The following NAA15 variants were observed in gnomAD, a reference collection of about 807,000 sequenced individuals.
NAA15 encodes N-alpha-acetyltransferase 15, NatA auxiliary subunit.
NAA15 carries 34 observed loss-of-function variants against 114.0 expected under a neutral mutation model. The ratio of observed to expected loss-of-function variants is 0.30; its 90% CI spans 0.23 to 0.40. The LOEUF is 0.40. NAA15 is among the 10% of genes least tolerant of loss of function. The pLI, the probability that NAA15 is intolerant of heterozygous loss-of-function variation, is 1.00. For synonymous variants in NAA15, 340 were observed against 338.0 expected, an observed-to-expected ratio of 1.01 and a Z score of -0.06; for missense variants, 658 against 1,004.5, an observed-to-expected ratio of 0.66 and a Z score of 4.66.
chr4:139,364,716 CTG>C (rs1487889068), intron 14 of NAA15, among the ~76,000 whole-genome samples: 10 of 152,178 alleles, frequency 6.6e-5, no homozygotes, highest in African/African-American at 2.4e-4. Context: ...CAATCTAACA[CTG>C]TGTCTTTAGA....
intron 1 of NAA15, among the ~76,000 whole-genome samples, chr4:139,327,621 C>T (rs1213954182): frequency 6.6e-6 from 1 of 152,128 alleles, no homozygotes; most frequent in Non-Finnish European, 1.5e-5. Context: ...GTGTGTACAC[C>T]TAGGTTGGAA....
At chr4:139,341,293 A>G (rs1334557975) in intron 4 of NAA15, among the ~76,000 whole-genome samples, 1 of 151,970 alleles carries the variant, frequency 6.6e-6, no homozygotes, top group East Asian at 1.9e-4. Context: ...GGTTGACTTA[A>G]TTTGATAAAA....
chr4:139,353,946 G>A, intron 9 of NAA15, 80 bp from the exon 10 acceptor site: 2 of 1,103,230 alleles, frequency 1.8e-6, no homozygotes. Flanking sequence ...TAGTGTTTTA[G>A]TAGAAAATAA....
Position 139,336,850 on chromosome 4 carries a change from A to G in NAA15, c.142A>G (p.Thr48Ala). The G allele has an allele frequency of 6.6e-7, 1 of 1,509,266 alleles. No individual in the cohort carries two copies. Among genetic ancestry groups the G allele is most frequent in the Non-Finnish European group, 8.8e-7 (1 of 1,130,964 alleles). The allele number at this position is 1,509,266 out of a possible 1,614,324, so 93.5% of individuals were successfully genotyped here. Residue 48 changes from threonine to alanine, a missense_variant and splice_region_variant, in exon 3 of 20, where the codon ACC becomes GCC. Physicochemically the swap from Thr to Ala is moderately conservative, Grantham distance 58 (BLOSUM62 0). Around this residue, in one of 6 missense-constraint regions of NAA15, gnomAD observed 75 missense variants for 172.3 expected, o/e 0.44. Transcript: ENST00000296543. Reference protein sequence around the residue: ...SNPKFAEHGETLAMKGLTLNC... With the variant: ...SNPKFAEHGEALAMKGLTLNC... ...TTCTTCTTTGTTTTTGAAAATAGAA[A>G]CCTTGGCTATGAAAGGATTAACATT...
chr4:139,340,829 C>G (rs1178890847), intron 3 of NAA15, 83 bp from the exon 4 acceptor site: 25 of 1,060,858 alleles, frequency 2.4e-5, no homozygotes, highest in African/African-American at 3.3e-5. Flanking sequence ...TTATAAATGG[C>G]TGTGGTTCTC....
intron 19 of NAA15, 43 bp from the exon 20 acceptor site, chr4:139,387,841 C>CT: frequency 6.6e-7 from 1 of 1,505,718 alleles, no homozygotes; most frequent in Non-Finnish European, 9.1e-7. Context: ...CAGTAAGAAC[C>CT]TTTTTTTGAC....
intron 1 of NAA15, among the ~76,000 whole-genome samples, chr4:139,311,979 T>A (rs1197417222): frequency 4.0e-5 from 6 of 151,198 alleles, no homozygotes; most frequent in African/African-American, 1.5e-4. Context: ...AAAAAAAAAA[T>A]TTGAGGGAAA....
chr4:139,314,240 T>G (rs942443962), intron 1 of NAA15, among the ~76,000 whole-genome samples: 6 of 151,800 alleles, frequency 4.0e-5, no homozygotes, highest in Admixed American at 6.6e-5. Context: ...TGTGGTTCAT[T>G]GTGGCTCACA....
Position 139,357,466 on chromosome 4 carries a change from C to T in NAA15, c.1168C>T (p.Pro390Ser), listed in dbSNP as rs1282078991. The T allele has an allele frequency of 6.2e-7, 1 of 1,613,598 alleles. No homozygotes were observed. Among genetic ancestry groups the T allele is most frequent in the Non-Finnish European group, 8.5e-7 (1 of 1,179,636 alleles). ...LAQHYDKIGQPSIALEYINTA... is the reference protein window; with the variant it reads ...LAQHYDKIGQSSIALEYINTA... ...ACAACATTATGACAAAATTGGTCAG[C>T]CATCTATTGCTTTGGAGTACATAAA... is the stretch of plus-strand genomic sequence containing the variant. The change falls in exon 11 of 20, where the codon CCA (proline) becomes TCA (serine). Residue 390 changes from proline to serine, a missense_variant. This residue lies in a region of NAA15 where 281 missense variants were observed against 389.1 expected (regional missense o/e 0.72). Coordinates refer to ENST00000296543, the MANE Select transcript of NAA15 (RefSeq NM_057175.5).
At chr4:139,308,031 G>A (rs1450651732) in intron 1 of NAA15, among the ~76,000 whole-genome samples, 2 of 151,782 alleles carry the variant, frequency 1.3e-5, no homozygotes, top group African/African-American at 2.4e-5. Context: ...GTGCAATCTC[G>A]GCTCATTGCA....
intron 1 of NAA15, among the ~76,000 whole-genome samples, chr4:139,333,559 G>A (rs1038619311): frequency 2.6e-5 from 4 of 151,958 alleles, no homozygotes; most frequent in African/African-American, 7.3e-5. Flanking sequence ...AAAAGAAAAC[G>A]TTCTTCAGTA....
At chr4:139,363,378 A>G (rs577875523) in intron 14 of NAA15, among the ~76,000 whole-genome samples, 3 of 152,320 alleles carry the variant, frequency 2.0e-5, no homozygotes, top group Middle Eastern at 3.4e-3. Flanking sequence ...AATTCCCTTT[A>G]TGCACAACTA....
intron 1 of NAA15, among the ~76,000 whole-genome samples, chr4:139,329,278 C>G (rs1421344110): frequency 6.6e-6 from 1 of 152,134 alleles, no homozygotes; most frequent in Non-Finnish European, 1.5e-5. Flanking sequence ...AAATTTTGAG[C>G]ACATTTATAA....
At chr4:139,355,557 A>G (rs1412623255) in intron 10 of NAA15, among the ~76,000 whole-genome samples, 1 of 152,214 alleles carries the variant, frequency 6.6e-6, no homozygotes, top group Non-Finnish European at 1.5e-5. Context: ...ACAGTGGCTA[A>G]TTAAAATTTT....
chr4:139,379,070 A>G (rs932324408), intron 17 of NAA15: 1 of 346,792 alleles, frequency 2.9e-6, no homozygotes, highest in African/African-American at 2.1e-5. Flanking sequence ...TTCAGTCCAG[A>G]TATTTGAGAA....
At chr4:139,327,606 T>C (rs1251229939) in intron 1 of NAA15, among the ~76,000 whole-genome samples, 1 of 152,182 alleles carries the variant, frequency 6.6e-6, no homozygotes, top group Non-Finnish European at 1.5e-5. Flanking sequence ...TGAATATACG[T>C]TTCTGTGTGT....
chr4:139,352,760 C>T (rs1161346238), intron 9 of NAA15, among the ~76,000 whole-genome samples: 7 of 150,212 alleles, frequency 4.7e-5, no homozygotes, highest in South Asian at 4.2e-4. Flanking sequence ...CTCTGCCTCC[C>T]GGGTTCAAGC....
chr4:139,303,482 A>G (rs1448388506), intron 1 of NAA15, among the ~76,000 whole-genome samples: 1 of 152,184 alleles, frequency 6.6e-6, no homozygotes, highest in Non-Finnish European at 1.5e-5. Context: ...ACATTTGTAT[A>G]AAAGTAAGTT....
intron 9 of NAA15, among the ~76,000 whole-genome samples, chr4:139,351,969 A>G (rs1352117214): frequency 1.3e-5 from 2 of 151,346 alleles, no homozygotes; most frequent in African/African-American, 2.4e-5. Flanking sequence ...CTTAAGTTTT[A>G]GCTTAGTCTT....
Sources: allele counts gnomAD v4.1 joint callset (sites outside exome capture counted in the v4.1 genomes callset), GRCh38; gene constraint gnomAD v4.1.1; regional missense constraint gnomAD v4.1.1; transcripts MANE v1.5; gene names NCBI Gene and HGNC (gene_info 2026-07-23, HGNC 2026-07-21).